Variants in DNAH6 observed in about 807,000 individuals in gnomAD.
The protein encoded by DNAH6 is dynein axonemal heavy chain 6, also known as axonemal beta dynein heavy chain 6.
Under a neutral mutation model 491.4 loss-of-function variants are expected in DNAH6, and 340 were observed. That is an observed-to-expected ratio of 0.69 (90% confidence interval 0.63 to 0.76). The LOEUF (loss-of-function observed/expected upper bound fraction) is 0.76. Ranked by LOEUF, DNAH6 falls within the 30% of genes least tolerant of loss-of-function variation. The pLI is 0.00. For missense variants in DNAH6, 4,443 were observed against 4,972.2 expected (o/e 0.89, Z 3.20); for synonymous variants, 1,603 against 1,686.1 (o/e 0.95, Z 1.21).
chr2:84,584,252 T>C lies in DNAH6; in HGVS notation c.2481+2T>C. ...AATGAAGTAAAACTGCAAGCACAGG[T>C]AAGCTAAATCATTATTTTGTAAAAA... On this transcript the variant is annotated splice_donor_variant, in intron 15 of 76. Coordinates refer to ENST00000389394, the MANE Select transcript of DNAH6 (RefSeq NM_001370.2). LOFTEE classifies it high-confidence loss of function. 50 of 1,612,410 alleles carry C rather than the reference T, an allele frequency of 3.1e-5. No individual in the cohort carries two copies. Among genetic ancestry groups the C allele is most frequent in the Non-Finnish European group, 4.2e-5 (50 of 1,178,706 alleles).
intron 33 of DNAH6, among the ~76,000 whole-genome samples, chr2:84,646,284 A>C (rs1204475569): frequency 6.6e-6 from 1 of 152,080 alleles, no homozygotes; most frequent in African/African-American, 2.4e-5. Flanking sequence ...ACAGACAGCC[A>C]TTCTCCCATC....
the DNAH6 span, among the ~76,000 whole-genome samples, chr2:84,510,847 C>G: frequency 3.9e-5 from 6 of 152,116 alleles, no homozygotes; most frequent in Non-Finnish European, 7.3e-5. Context: ...TACTGCAGAC[C>G]CTGTTTGCCT....
At chr2:84,529,492 C>G (rs1676950423) in intron 4 of DNAH6, among the ~76,000 whole-genome samples, 1 of 151,998 alleles carries the variant, frequency 6.6e-6, no homozygotes, top group African/African-American at 2.4e-5. Flanking sequence ...ATATAAAAAG[C>G]AGATGATGCA....
Position 84,727,847 on chromosome 2 carries a change from C to A in DNAH6, c.10151C>A (p.Thr3384Asn). The A allele has an allele frequency of 6.4e-7, 1 of 1,552,144 alleles. No homozygotes were observed. ...LCVEMMRQQGTLSDAEWNFFL... is the reference protein window; with the variant it reads ...LCVEMMRQQGNLSDAEWNFFL... ...GTTGAGATGATGCGTCAGCAAGGAA[C>A]CCTATCTGATGCTGAATGGAATTTC... Residue 3384 changes from threonine (T) to asparagine (N), a missense_variant, in exon 61 of 77, where the codon ACC becomes AAC. Coordinates refer to ENST00000389394, the MANE Select transcript of DNAH6 (RefSeq NM_001370.2).
At chr2:84,536,691 A>G (rs1677724556) in intron 4 of DNAH6, among the ~76,000 whole-genome samples, 1 of 152,036 alleles carries the variant, frequency 6.6e-6, no homozygotes, top group African/African-American at 2.4e-5. Context: ...TGTCAGAGAC[A>G]AAACAATAAA....
the DNAH6 span, among the ~76,000 whole-genome samples, chr2:84,475,793 G>A: frequency 7.2e-5 from 11 of 152,254 alleles, no homozygotes; most frequent in East Asian, 5.8e-4. Flanking sequence ...TCTTGGAGCC[G>A]AGCAATAAAA....
intron 66 of DNAH6, among the ~76,000 whole-genome samples, chr2:84,785,383 G>C (rs1388543668): frequency 6.6e-6 from 1 of 152,238 alleles, no homozygotes; most frequent in African/African-American, 2.4e-5. Context: ...TTCTTGTCAT[G>C]TGGTTCAACC....
At chr2:84,571,757 CAAAAAAAA>C (rs34657775) in intron 11 of DNAH6, among the ~76,000 whole-genome samples, 1 of 104,020 alleles carries the variant, frequency 9.6e-6, no homozygotes, top group African/African-American at 3.3e-5. Context: ...ACTAAAATTA[CAAAAAAAA>C]AAAAAAAAAT....
chr2:84,713,331 G>A, intron 57 of DNAH6, 72 bp downstream of exon 57: 1 of 1,465,140 alleles, frequency 6.8e-7, no homozygotes, highest in Admixed American at 2.1e-5. Flanking sequence ...GAAGTTTGAT[G>A]GGCTCCCACC....
the DNAH6 span, among the ~76,000 whole-genome samples, chr2:84,503,222 TAAC>T: frequency 6.6e-6 from 1 of 152,148 alleles, no homozygotes; most frequent in African/African-American, 2.4e-5. Flanking sequence ...GTTAACCTGA[TAAC>T]AACTTAACAC....
rs561238629 is a variant in DNAH6 at position 84,709,432 on chromosome 2, C to T, written c.9138C>T (p.Tyr3046=). The T allele has an allele frequency of 4.1e-5, 64 of 1,551,622 alleles. No individual in the cohort carries two copies. The highest frequency in any genetic ancestry group is 7.8e-5 in the Admixed American group (4 of 50,974). ...TCATTAACATTCTTGGAGATCCCTA[C>T]GAGATACGGCAGTGGAACACTGATG... ...FSLINILGDP[Y]EIRQWNTDGL... is the part of the protein sequence containing the mutation. The change falls in exon 55 of 77, where the codon TAC becomes TAT. Residue 3046 remains tyrosine, a synonymous_variant. Coordinates refer to ENST00000389394, the MANE Select transcript of DNAH6 (RefSeq NM_001370.2).
chr2:84,714,770 C>A (rs576558069), intron 57 of DNAH6, among the ~76,000 whole-genome samples: 1 of 151,682 alleles, frequency 6.6e-6, no homozygotes. Context: ...AGCTCTGTAA[C>A]AGGGGGCAAA....
chr2:84,720,404 A>C (rs890574213), intron 59 of DNAH6, among the ~76,000 whole-genome samples: 8 of 145,584 alleles, frequency 5.5e-5, no homozygotes, highest in African/African-American at 2.0e-4. Flanking sequence ...TCAGCCTCCC[A>C]AGTAGCTGGG....
chr2:84,631,272 C>G (rs1446106539), intron 29 of DNAH6, among the ~76,000 whole-genome samples: 2 of 152,040 alleles, frequency 1.3e-5, no homozygotes, highest in Non-Finnish European at 2.9e-5. Flanking sequence ...AATCTAATAT[C>G]CCCCTCTCCA....
At chr2:84,588,031 C>T (rs1683738890) in intron 15 of DNAH6, among the ~76,000 whole-genome samples, 2 of 152,212 alleles carry the variant, frequency 1.3e-5, no homozygotes, top group Admixed American at 6.5e-5. Context: ...CCTCAGACAT[C>T]TTCTGGTCCA....
chr2:84,487,333 A>G, the DNAH6 span, among the ~76,000 whole-genome samples: 1 of 152,194 alleles, frequency 6.6e-6, no homozygotes, highest in Non-Finnish European at 1.5e-5. Context: ...TAAATATAGG[A>G]TATTATCTGA....
rs759512799 is a variant in DNAH6, at chr2:84,548,390, A to G, written c.1289A>G (p.Lys430Arg). ...EKMTYTEQASKRHYCMRLTCF... is the reference protein window; with the variant it reads ...EKMTYTEQASRRHYCMRLTCF... ...ATGACATATACAGAACAGGCCAGCA[A>G]AAGGCATTATTGCATGAGGCTGACG... Residue 430 changes from lysine to arginine, a missense_variant, in exon 8 of 77, where the codon AAA (lysine) becomes AGA (arginine). Lys to Arg is a conservative substitution (Grantham distance 26). Transcript: ENST00000389394. The G allele has an allele frequency of 8.1e-6, 13 of 1,613,900 alleles. No individual in the cohort carries two copies. Among genetic ancestry groups the G allele is most frequent in the Non-Finnish European group, 1.1e-5 (13 of 1,179,978 alleles).
intron 4 of DNAH6, among the ~76,000 whole-genome samples, chr2:84,530,441 C>A (rs1248133566): frequency 6.6e-6 from 1 of 152,034 alleles, no homozygotes; most frequent in East Asian, 1.9e-4. Context: ...TGGGAGCAGA[C>A]CTGGCATGCT....
At chr2:84,793,987 C>T (rs1219081820) in intron 68 of DNAH6, among the ~76,000 whole-genome samples, 3 of 152,172 alleles carry the variant, frequency 2.0e-5, no homozygotes, top group African/African-American at 7.2e-5. Flanking sequence ...AGATATAGAT[C>T]AATGGAACAG....
Sources: allele counts gnomAD v4.1 joint callset (sites outside exome capture counted in the v4.1 genomes callset), GRCh38; gene constraint gnomAD v4.1.1; transcripts MANE v1.5; gene names NCBI Gene and HGNC (gene_info 2026-07-23, HGNC 2026-07-21).